Variants in GSE1 observed in about 807,000 individuals in gnomAD.
GSE1 encodes the protein genetic suppressor element 1.
GSE1 carries 32 observed loss-of-function variants against 112.6 expected under a neutral mutation model. The observed-to-expected ratio is 0.28, with a 90% CI of 0.21 to 0.38. The LOEUF is 0.38. Among genes scored for constraint, GSE1 ranks in the 10% least tolerant of loss-of-function variants. The pLI is 1.00. For synonymous variants in GSE1, 1,115 were observed against 735.6 expected (o/e 1.52, Z -8.35); for missense variants, 2,348 against 1,699.2 (o/e 1.38, Z -6.71).
chr16:85,361,328 AAC>A (rs5818530), intron 2 of GSE1, among the ~76,000 whole-genome samples: 57,240 of 95,228 alleles, frequency 0.6, 16,320 homozygotes, highest in African/African-American at 0.7. Context: ...CCCACACACA[AAC>A]ACACACACAC....
chr16:85,660,966 AAGAC>A (rs773272658), intron 8 of GSE1, among the ~76,000 whole-genome samples, 176 bp from the exon 9 acceptor site: 3 of 152,154 alleles, frequency 2.0e-5, no homozygotes, highest in Non-Finnish European at 4.4e-5. Flanking sequence ...GAGAAAATGA[AAGAC>A]AGAAACAATG....
At chr16:85,177,897 C>T (rs2074500134) in intron 1 of GSE1, among the ~76,000 whole-genome samples, 1 of 152,222 alleles carries the variant, frequency 6.6e-6, no homozygotes, top group Non-Finnish European at 1.5e-5. Context: ...AGTCCTGCCT[C>T]CCGTCCCTGT....
chr16:85,179,020 C>T (rs535764993), intron 1 of GSE1, among the ~76,000 whole-genome samples: 29 of 152,148 alleles, frequency 1.9e-4, no homozygotes, highest in East Asian at 1.9e-4. Flanking sequence ...ATTCACACAC[C>T]GTGAAAGTCA....
At chr16:85,555,615 C>A, upstream of GSE1, 1 of 942,004 alleles carries the variant, frequency 1.1e-6, no homozygotes, top group Non-Finnish European at 1.3e-6. Flanking sequence ...CACCCAGTAG[C>A]TAAGGGGAAA....
intron 1 of GSE1, among the ~76,000 whole-genome samples, chr16:85,188,219 A>G (rs2074747859): frequency 6.6e-6 from 1 of 152,100 alleles, no homozygotes; most frequent in African/African-American, 2.4e-5. Flanking sequence ...GTGGTCCTTC[A>G]CGGGGCTGCT....
At chr16:85,303,198 G>C (rs12929164) in intron 1 of GSE1, among the ~76,000 whole-genome samples, 39,825 of 152,212 alleles carry the variant, frequency 0.26, 5,816 homozygotes, top group South Asian at 0.41. Flanking sequence ...GCCAAGCAAC[G>C]GGAAGCGGAG....
At chr16:85,367,981 C>G (rs1359183224) in intron 2 of GSE1, among the ~76,000 whole-genome samples, 1 of 151,184 alleles carries the variant, frequency 6.6e-6, no homozygotes, top group Non-Finnish European at 1.5e-5. Flanking sequence ...TCCCAAGTAG[C>G]TGGGATTACA....
At chr16:85,427,158 G>GC (rs2049013080) in intron 2 of GSE1, among the ~76,000 whole-genome samples, 1 of 152,160 alleles carries the variant, frequency 6.6e-6, no homozygotes, top group Non-Finnish European at 1.5e-5. Flanking sequence ...GACAGCAGCT[G>GC]CCCGCAGGTT....
At chr16:85,555,087 C>T (rs954520160), upstream of GSE1, 34 of 985,244 alleles carry the variant, frequency 3.5e-5, no homozygotes, top group Non-Finnish European at 4.0e-5. Flanking sequence ...TGGAAGATGC[C>T]GCGTAGAGAC....
At chr16:85,169,648 G>A in exon 1 of GSE1, 2 of 983,776 alleles carry the variant, frequency 2.0e-6, no homozygotes, top group South Asian at 4.7e-5. Flanking sequence ...GCGCGGCAAG[G>A]AGCTGAAGCT....
chr16:85,674,372 C>A lies in GSE1; in HGVS notation c.*1833C>A, dbSNP rs1385725412. ...CAGTATTATCAGCAGTCAACAAGCA[C>A]CTTCCTCTCCACAGAAGCAGCTGGA... On this transcript the variant is annotated 3_prime_UTR_variant, in exon 16 of 16. Coordinates refer to ENST00000253458, the MANE Select transcript of GSE1 (RefSeq NM_014615.5). The A allele has an allele frequency of 6.6e-6, 1 of 152,272 alleles. No homozygotes were observed. Among genetic ancestry groups the A allele is most frequent in the Non-Finnish European group, 1.5e-5 (1 of 68,064 alleles). 9.4% of individuals were successfully genotyped at this position (152,272 alleles called of 1,614,324 possible). A position where few individuals can be genotyped will look rare whatever the true frequency, so the allele number is the denominator to read the frequency against.
intron 2 of GSE1, among the ~76,000 whole-genome samples, chr16:85,647,694 C>G (rs769288116): frequency 2.0e-5 from 3 of 152,204 alleles, no homozygotes; most frequent in Non-Finnish European, 4.4e-5. Flanking sequence ...TCAAGCGATT[C>G]TCCTGCCTCC....
intron 9 of GSE1, chr16:85,662,739 G>C (rs2151966029): frequency 1.9e-6 from 1 of 517,836 alleles, no homozygotes; most frequent in African/African-American, 1.9e-5. Context: ...TGTCAGCCCA[G>C]GGGACCACCC....
intron 1 of GSE1, among the ~76,000 whole-genome samples, chr16:85,237,912 C>T (rs1201218927): frequency 6.6e-6 from 1 of 151,984 alleles, no homozygotes; most frequent in Non-Finnish European, 1.5e-5. Context: ...CTATCTGCTG[C>T]TCCAACCCCA....
chr16:85,452,092 G>A (rs951965771), intron 2 of GSE1, among the ~76,000 whole-genome samples: 5 of 152,228 alleles, frequency 3.3e-5, no homozygotes, highest in Admixed American at 2.6e-4. Flanking sequence ...CTTTGTCCCC[G>A]CCAGAGAGAC....
At chr16:85,520,147 G>A (rs1231974507) in intron 2 of GSE1, among the ~76,000 whole-genome samples, 11 of 152,200 alleles carry the variant, frequency 7.2e-5, no homozygotes, top group Admixed American at 7.2e-4. Context: ...TGGCAGATGA[G>A]GTGTTTGGTG....
At chr16:85,428,081 C>T (rs1214069956) in intron 2 of GSE1, among the ~76,000 whole-genome samples, 1 of 152,180 alleles carries the variant, frequency 6.6e-6, no homozygotes, top group African/African-American at 2.4e-5. Context: ...TTGGACAGGA[C>T]CCAGATAGAC....
rs76162559 is a variant in GSE1 at position 85,537,808 on chromosome 16, G to A, written c.2465-96106G>A. Among the ~76,000 whole-genome samples, 322 of 152,322 alleles carry A rather than the reference G, an allele frequency of 2.1e-3. 12 individuals carry two copies. The East Asian group carries it at 0.052, about 25-fold the overall frequency. ...AAATCAAATGGTACCCTAAAGCCCC[G>A]CAGCAGAGTGAGGGGTCAAGGAGGC... On this transcript the variant is annotated intron_variant, in intron 2 of 2. Coordinates refer to the GSE1 transcript ENST00000637419.
chr16:85,466,972 A>G (rs2050142541), intron 2 of GSE1, among the ~76,000 whole-genome samples: 1 of 152,232 alleles, frequency 6.6e-6, no homozygotes, highest in South Asian at 2.1e-4. Context: ...AGGCAAGAGA[A>G]TCATCTGAAC....
Sources: allele counts gnomAD v4.1 joint callset (sites outside exome capture counted in the v4.1 genomes callset), GRCh38; gene constraint gnomAD v4.1.1; transcripts MANE v1.5; gene names NCBI Gene and HGNC (gene_info 2026-07-23, HGNC 2026-07-21).